The following SLC15A5 variants were observed in gnomAD, a reference collection of about 807,000 sequenced individuals.
SLC15A5 encodes solute carrier family 15 member 5.
Under a neutral mutation model 56.1 loss-of-function variants are expected in SLC15A5, and 58 were observed. The ratio of observed to expected loss-of-function variants is 1.03; its 90% CI spans 0.84 to 1.29. The LOEUF (loss-of-function observed/expected upper bound fraction) is 1.29, where lower values mean the gene tolerates loss of function less well. Among genes scored for constraint, SLC15A5 ranks in the 50% most tolerant of loss-of-function variants. SLC15A5 has a pLI of 0.00. For synonymous variants in SLC15A5, 264 were observed against 250.5 expected (o/e 1.05, Z -0.51); for missense variants, 681 against 672.1 (o/e 1.01, Z -0.15).
intron 5 of SLC15A5, 79 bp downstream of exon 5, chr12:16,239,602 T>G: frequency 1.5e-6 from 2 of 1,359,754 alleles, no homozygotes; most frequent in Non-Finnish European, 2.0e-6. Context: ...CAGGAGCATA[T>G]AGCTAGTTCG....
chr12:16,277,426 A>G lies in SLC15A5; in HGVS notation c.260T>C (p.Ile87Thr), dbSNP rs929671387. 16 of 1,536,438 alleles carry G rather than the reference A, an allele frequency of 1.0e-5. No homozygotes were observed. The African/African-American group carries it at 1.5e-4, about 14-fold the overall frequency. The change falls in exon 1 of 9, where the codon ATT (isoleucine) becomes ACT (threonine). Residue 87 changes from isoleucine to threonine, a missense_variant. Coordinates refer to ENST00000344941, the MANE Select transcript of SLC15A5 (RefSeq NM_001170798.1). ...CACAGGGGTAAGTATTGAAGTTCCA[A>G]TAAAACACAAGTTTAAGATGGCTGC... ...CQAAILNLCF[I>T]GTSILTPVFV...
chr12:16,272,278 T>C (rs1205326672), intron 2 of SLC15A5, among the ~76,000 whole-genome samples: 1 of 152,112 alleles, frequency 6.6e-6, no homozygotes, highest in Non-Finnish European at 1.5e-5. Flanking sequence ...GTCTCTTTGG[T>C]TCCAAAGCCA....
At chr12:16,249,345 G>A (rs1864497430) in intron 3 of SLC15A5, among the ~76,000 whole-genome samples, 1 of 152,104 alleles carries the variant, frequency 6.6e-6, no homozygotes, top group East Asian at 1.9e-4. Context: ...TTCCAATTTA[G>A]TCATCAGAAA....
chr12:16,253,582 A>G (rs1307890016), intron 3 of SLC15A5, among the ~76,000 whole-genome samples: 2 of 152,120 alleles, frequency 1.3e-5, no homozygotes, highest in Non-Finnish European at 2.9e-5. Context: ...AATCAAAACC[A>G]TAATGAGGCT....
intron 5 of SLC15A5, among the ~76,000 whole-genome samples, chr12:16,238,709 G>T (rs1864378134): frequency 6.6e-6 from 1 of 151,152 alleles, no homozygotes; most frequent in African/African-American, 2.4e-5. Context: ...TATTTCAATA[G>T]AATTGTTTCT....
chr12:16,218,351 A>C (rs1565661190), intron 6 of SLC15A5, among the ~76,000 whole-genome samples: 1 of 152,210 alleles, frequency 6.6e-6, no homozygotes, highest in Non-Finnish European at 1.5e-5. Flanking sequence ...TGAAATCATA[A>C]GTAAATATTA....
chr12:16,245,951 T>C (rs1864457065), intron 3 of SLC15A5, among the ~76,000 whole-genome samples: 1 of 152,214 alleles, frequency 6.6e-6, no homozygotes, highest in African/African-American at 2.4e-5. Flanking sequence ...GATCTGGTCT[T>C]TTCTTCAAGA....
rs529255153 is a variant in SLC15A5, at chr12:16,207,440, C to A, written c.1483+9453G>T. On this transcript the variant is annotated intron_variant, in intron 7 of 8. Coordinates refer to ENST00000344941, the MANE Select transcript of SLC15A5 (RefSeq NM_001170798.1). Reference sequence around the variant, plus strand: ...TATTTGGAGGAAAATAAACTTTTACCCCAAATTACTTTAATTTAAGAGTAG... The same window carrying A: ...TATTTGGAGGAAAATAAACTTTTACACCAAATTACTTTAATTTAAGAGTAG... Among the ~76,000 whole-genome samples, 4 of 111,128 alleles carry A rather than the reference C, an allele frequency of 3.6e-5. No homozygotes were observed. In the East Asian group the frequency reaches 1.4e-3, roughly 39 times the overall value. The allele number at this position is 111,128 out of a possible 152,430, so 72.9% of individuals were successfully genotyped here. A position where few individuals can be genotyped will look rare whatever the true frequency, so the allele number is the denominator to read the frequency against.
At chr12:16,244,377 C>T (rs1864441412) in intron 4 of SLC15A5, among the ~76,000 whole-genome samples, 1 of 152,142 alleles carries the variant, frequency 6.6e-6, no homozygotes, top group Non-Finnish European at 1.5e-5. Flanking sequence ...GAAACACATC[C>T]CAGGGTCTCC....
At chr12:16,218,298 A>G (rs570492589) in intron 6 of SLC15A5, among the ~76,000 whole-genome samples, 5 of 152,226 alleles carry the variant, frequency 3.3e-5, no homozygotes, top group Non-Finnish European at 7.3e-5. Context: ...CTGGATTTCT[A>G]ATATTCCTCT....
chr12:16,201,600 G>C (rs931367183), intron 7 of SLC15A5, among the ~76,000 whole-genome samples: 2 of 152,094 alleles, frequency 1.3e-5, no homozygotes, highest in Non-Finnish European at 2.9e-5. Flanking sequence ...CCCCCATGCT[G>C]TTCTCATGAT....
chr12:16,195,511 G>C (rs1349147659), intron 7 of SLC15A5, among the ~76,000 whole-genome samples: 1 of 151,956 alleles, frequency 6.6e-6, no homozygotes, highest in Non-Finnish European at 1.5e-5. Context: ...TTTTTTTACT[G>C]TTATGCATTA....
intron 7 of SLC15A5, among the ~76,000 whole-genome samples, chr12:16,200,603 T>C (rs1165316419): frequency 6.6e-6 from 1 of 152,000 alleles, no homozygotes; most frequent in Non-Finnish European, 1.5e-5. Flanking sequence ...ACATTAGAAA[T>C]AAACCAAACC....
intron 7 of SLC15A5, among the ~76,000 whole-genome samples, chr12:16,206,871 A>G (rs1864024739): frequency 6.6e-6 from 1 of 152,210 alleles, no homozygotes. Flanking sequence ...GAGAACAGGC[A>G]TGGGTGATAT....
rs947360018 is a variant in SLC15A5 at position 16,233,017 on chromosome 12, A to G, written c.1162+6664T>C. Among the ~76,000 whole-genome samples the G allele has an allele frequency of 7.9e-5, 12 of 152,180 alleles. No homozygotes were observed. The South Asian group carries it at 2.5e-3, about 32-fold the overall frequency. On this transcript the variant is annotated intron_variant, in intron 5 of 8. Coordinates refer to ENST00000344941, the MANE Select transcript of SLC15A5 (RefSeq NM_001170798.1). The stretch of plus-strand genomic sequence containing the variant: ...GGGAGGGAAGGAAGGAGAAAGAAAG[A>G]AAGGAAGAAAAGCACTAGACCTCTC...
At chr12:16,223,525 A>G (rs571053170) in intron 6 of SLC15A5, among the ~76,000 whole-genome samples, 8 of 152,350 alleles carry the variant, frequency 5.3e-5, no homozygotes, top group Middle Eastern at 6.8e-3. Context: ...CAATCTAGAT[A>G]ATTCAGAAAC....
At chr12:16,227,154 T>C (rs1208223202) in intron 5 of SLC15A5, among the ~76,000 whole-genome samples, 1 of 152,172 alleles carries the variant, frequency 6.6e-6, no homozygotes, top group African/African-American at 2.4e-5. Context: ...GAGGAATTTT[T>C]AATTTATTAC....
At chr12:16,256,913 A>AATAGATAGATAGATAGATAGATAG (rs55965104) in intron 3 of SLC15A5, among the ~76,000 whole-genome samples, 58 of 148,576 alleles carry the variant, frequency 3.9e-4, no homozygotes, top group African/African-American at 1.2e-3. Flanking sequence ...ATGCATGGGG[A>AATAGATAGATAGATAGATAGATAG]ATAGATAGAT....
At chr12:16,276,755 A>T (rs1864825027) in intron 1 of SLC15A5, among the ~76,000 whole-genome samples, 1 of 152,006 alleles carries the variant, frequency 6.6e-6, no homozygotes, top group African/African-American at 2.4e-5. Flanking sequence ...TTTTGCAGAT[A>T]TATATTAGTA....
Sources: gnomAD v4.1 joint callset for allele counts (sites outside exome capture counted in the v4.1 genomes callset) on GRCh38, gnomAD v4.1.1 for gene constraint, MANE v1.5 for transcripts, NCBI Gene and HGNC (gene_info 2026-07-23, HGNC 2026-07-21) for gene names.